FAM228B: variants seen among roughly 807,000 people sequenced by gnomAD.
FAM228B encodes the protein protein FAM228B.
A neutral mutation model predicts 42.6 loss-of-function variants in FAM228B; 38 were observed. That is an observed-to-expected ratio of 0.89 (90% confidence interval 0.69 to 1.17). The LOEUF (loss-of-function observed/expected upper bound fraction) is 1.17, where lower values mean the gene tolerates loss of function less well. Ranked by LOEUF, FAM228B falls within the 50% of genes most tolerant of loss-of-function variation. FAM228B has a pLI of 0.00. For synonymous variants in FAM228B, 109 were observed against 122.3 expected (o/e 0.89, Z 0.72); for missense variants, 344 against 367.3 (o/e 0.94, Z 0.52).
At chr2:24,092,478 G>A (rs1013773471) in intron 2 of FAM228B, among the ~76,000 whole-genome samples, 1 of 151,818 alleles carries the variant, frequency 6.6e-6, no homozygotes, top group African/African-American at 2.4e-5. Context: ...CGGGAGGCGG[G>A]GCAGGAGACT....
chr2:24,109,401 T>C (rs1267918455), intron 3 of FAM228B, among the ~76,000 whole-genome samples: 1 of 152,094 alleles, frequency 6.6e-6, no homozygotes, highest in African/African-American at 2.4e-5. Context: ...GATTTCATAA[T>C]GAAGACACCA....
chr2:24,146,696 G>A lies in FAM228B; in HGVS notation c.442-52G>A, dbSNP rs890751372. ...TGGATGCTTAGAATAGACTGAAAAT[G>A]TTTACTACTCAGACTTGCAACTCAG... is the stretch of plus-strand genomic sequence containing the variant. On this transcript the variant is annotated intron_variant, in intron 5 of 10. Transcript: ENST00000615575. The A allele has an allele frequency of 4.7e-6, 6 of 1,276,018 alleles. No individual in the cohort carries two copies. The African/African-American group carries it at 8.9e-5, about 19-fold the overall frequency. 79.0% of individuals were successfully genotyped at this position (1,276,018 alleles called of 1,614,324 possible).
chr2:24,086,449 T>A (rs979943421), intron 2 of FAM228B, among the ~76,000 whole-genome samples: 1 of 152,108 alleles, frequency 6.6e-6, no homozygotes, highest in Non-Finnish European at 1.5e-5. Flanking sequence ...AATAAGTTAC[T>A]CACAATTGGT....
chr2:24,168,022 A>G, intron 10 of FAM228B: 1 of 265,908 alleles, frequency 3.8e-6, no homozygotes, highest in Non-Finnish European at 7.5e-6. Flanking sequence ...AACTGCCACT[A>G]CTTCATTCTT....
chr2:24,116,252 C>G (rs187570203), intron 3 of FAM228B, among the ~76,000 whole-genome samples: 5 of 151,526 alleles, frequency 3.3e-5, no homozygotes. Context: ...TGCTTGAACC[C>G]GGGAGGCAGA....
chr2:24,090,799 C>CT (rs34895343), intron 2 of FAM228B, among the ~76,000 whole-genome samples: 3 of 151,954 alleles, frequency 2.0e-5, no homozygotes, highest in African/African-American at 4.8e-5. Context: ...TTATAGTAGA[C>CT]TTTTTTTAAA....
At chr2:24,168,208 T>A (rs1667474770) in intron 10 of FAM228B, among the ~76,000 whole-genome samples, 1 of 152,122 alleles carries the variant, frequency 6.6e-6, no homozygotes, top group Admixed American at 6.6e-5. Flanking sequence ...TTGAGAGTCA[T>A]CCTCATATAG....
intron 3 of FAM228B, among the ~76,000 whole-genome samples, chr2:24,137,178 A>G (rs1558386432): frequency 6.6e-6 from 1 of 152,216 alleles, no homozygotes; most frequent in South Asian, 2.1e-4. Context: ...ACCACATTTT[A>G]TCTGTTCATC....
intron 2 of FAM228B, among the ~76,000 whole-genome samples, chr2:24,092,121 G>A (rs1478774459): frequency 6.6e-6 from 1 of 150,788 alleles, no homozygotes; most frequent in Non-Finnish European, 1.5e-5. Context: ...CTACTTGGGA[G>A]GCTGGGAGAT....
chr2:24,143,337 C>T (rs1047096111), intron 5 of FAM228B, among the ~76,000 whole-genome samples: 26 of 152,210 alleles, frequency 1.7e-4, no homozygotes, highest in South Asian at 1.0e-3. Context: ...CCCGCCACCA[C>T]GCCCGGCTAA....
chr2:24,128,466 A>G (rs1666368585), intron 2 of FAM228B, among the ~76,000 whole-genome samples: 1 of 152,180 alleles, frequency 6.6e-6, no homozygotes, highest in Non-Finnish European at 1.5e-5. Flanking sequence ...AACTACAGGA[A>G]TAATAACTTT....
chr2:24,090,262 C>G (rs4665656), intron 2 of FAM228B, among the ~76,000 whole-genome samples: 1 of 151,266 alleles, frequency 6.6e-6, no homozygotes, highest in Non-Finnish European at 1.5e-5. Flanking sequence ...AGTGAGACTC[C>G]GTCTCAAAAA....
intron 2 of FAM228B, chr2:24,082,864 T>A: frequency 1.3e-6 from 2 of 1,582,040 alleles, no homozygotes; most frequent in Non-Finnish European, 1.7e-6. Context: ...TTGTGTGGAG[T>A]GAGCATGGAG....
intron 3 of FAM228B, among the ~76,000 whole-genome samples, chr2:24,114,992 A>G (rs1665868851): frequency 6.6e-6 from 1 of 152,224 alleles, no homozygotes; most frequent in Non-Finnish European, 1.5e-5. Flanking sequence ...TGAAATGTCC[A>G]TTGAATACCT....
intron 2 of FAM228B, among the ~76,000 whole-genome samples, chr2:24,126,337 T>C (rs961967333): frequency 6.6e-6 from 1 of 152,218 alleles, no homozygotes; most frequent in African/African-American, 2.4e-5. Context: ...TGGAATAGTT[T>C]TATTTATACT....
chr2:24,168,379 C>T (rs904916564), intron 10 of FAM228B, among the ~76,000 whole-genome samples: 1 of 152,160 alleles, frequency 6.6e-6, no homozygotes, highest in Non-Finnish European at 1.5e-5. Context: ...GGAAGCAAAG[C>T]AGAAGTATGT....
In FAM228B at chr2:24,124,439, C is replaced by T. The variant is rs1377588191; in HGVS notation, c.78C>T (p.Pro26=). Residue 26 remains proline (P), a synonymous_variant, in exon 2 of 11, where the codon CCC becomes CCT. Coordinates refer to ENST00000615575, the MANE Select transcript of FAM228B (RefSeq NM_001145710.2). ...KLKSSKEWLE[P]KPLCFMEVLA... is the part of the protein sequence containing the mutation. ...AGAGCTCAAAAGAATGGTTGGAGCCCAAGCCCCTTTGTTTTATGGAGGTAT... is the reference window on the plus strand; with the variant it reads ...AGAGCTCAAAAGAATGGTTGGAGCCTAAGCCCCTTTGTTTTATGGAGGTAT... 15 of 1,550,702 alleles carry T rather than the reference C, an allele frequency of 9.7e-6. No homozygotes were observed. Among genetic ancestry groups the T allele is most frequent in the Admixed American group, 4.0e-5 (2 of 50,618 alleles).
intron 10 of FAM228B, among the ~76,000 whole-genome samples, chr2:24,168,498 C>G (rs1667483456): frequency 6.6e-6 from 1 of 152,130 alleles, no homozygotes; most frequent in African/African-American, 2.4e-5. Context: ...AGATATAGGC[C>G]TAACTGCTGA....
At chr2:24,079,577 C>A (rs1664910516) in intron 1 of FAM228B, 1 of 1,614,058 alleles carries the variant, frequency 6.2e-7, no homozygotes, top group South Asian at 1.1e-5. Flanking sequence ...AAGAGCCAGG[C>A]AGTTGACGTT....
Sources: gnomAD v4.1 joint callset for allele counts (sites outside exome capture counted in the v4.1 genomes callset) on GRCh38, gnomAD v4.1.1 for gene constraint, MANE v1.5 for transcripts, NCBI Gene and HGNC (gene_info 2026-07-23, HGNC 2026-07-21) for gene names.